Variants in NTRK3 observed in about 807,000 individuals in gnomAD.
The protein encoded by NTRK3 is neurotrophic receptor tyrosine kinase 3.
In NTRK3, 24 loss-of-function variants were observed where a neutral mutation model predicts 91.7. The ratio of observed to expected loss-of-function variants is 0.26; its 90% CI spans 0.19 to 0.37. NTRK3 has a LOEUF of 0.37. NTRK3 is among the 10% of genes least tolerant of loss of function. NTRK3 has a pLI of 1.00. For synonymous variants in NTRK3, 483 were observed against 404.0 expected, an observed-to-expected ratio of 1.20 and a Z score of -2.34; for missense variants, 880 against 1,068.9, an observed-to-expected ratio of 0.82 and a Z score of 2.46.
Position 87,895,646 on chromosome 15 carries a change from G to A in NTRK3, c.2134-15218C>T, listed in dbSNP as rs551974460. 7.9e-3 allele frequency among the ~76,000 whole-genome samples: 1,202 copies of A among 152,152 alleles called. 3 individuals are homozygous for A. The highest frequency in any genetic ancestry group is 0.021 in the South Asian group (103 of 4,814). Reference sequence around the variant, plus strand: ...TTTTCCTTCCTCTCTTTCCAGATCTGGGAGATAATCAGCTAAGAGCCAGGC... The same window carrying A: ...TTTTCCTTCCTCTCTTTCCAGATCTAGGAGATAATCAGCTAAGAGCCAGGC... On this transcript the variant is annotated intron_variant, in intron 17 of 18. Transcript: ENST00000394480.
At chr15:88,032,656 C>G (rs916359371) in intron 14 of NTRK3, among the ~76,000 whole-genome samples, 16 of 152,064 alleles carry the variant, frequency 1.1e-4, no homozygotes, top group African/African-American at 3.4e-4. Flanking sequence ...CACAGGACCC[C>G]CTTCGCAGAG....
At chr15:87,929,147 G>T (rs769070828) in intron 17 of NTRK3, 44 bp downstream of exon 17, 3 of 1,613,946 alleles carry the variant, frequency 1.9e-6, no homozygotes, top group African/African-American at 1.3e-5. Context: ...TAAGCAAGGC[G>T]CTAGCTCTGT....
Position 87,970,208 on chromosome 15 carries a change from A to G in NTRK3, c.1586-29455T>C, listed in dbSNP as rs2073140416. ...GTCTTCATTGCTGTATGCTACCACT[A>G]GATGATGTCACCTCCACCAGCCTGG... On this transcript the variant is annotated intron_variant, in intron 14 of 18. Coordinates refer to ENST00000394480, the Ensembl canonical transcript of NTRK3. Among the ~76,000 whole-genome samples the G allele has an allele frequency of 2.0e-5, 3 of 152,196 alleles. No homozygotes were observed. In the South Asian group the frequency reaches 6.2e-4, roughly 32 times the overall value.
At chr15:87,945,117 G>A (rs566184376) in intron 14 of NTRK3, among the ~76,000 whole-genome samples, 1 of 152,304 alleles carries the variant, frequency 6.6e-6, no homozygotes, top group East Asian at 1.9e-4. Context: ...CCAGGCCGTG[G>A]GAAGACCTCC....
intron 16 of NTRK3, among the ~76,000 whole-genome samples, chr15:87,930,637 C>A (rs139175894): frequency 1.3e-5 from 2 of 152,052 alleles, no homozygotes; most frequent in South Asian, 2.1e-4. Context: ...GGTTGGCCTG[C>A]GGGTTATGGA....
At chr15:88,249,591 C>G (rs1414424972) in intron 3 of NTRK3, among the ~76,000 whole-genome samples, 2 of 152,152 alleles carry the variant, frequency 1.3e-5, no homozygotes, top group Non-Finnish European at 2.9e-5. Flanking sequence ...CTGCAGTGGT[C>G]CTTTCCAGCT....
At chr15:88,229,908 A>C (rs1356059896) in intron 3 of NTRK3, among the ~76,000 whole-genome samples, 1 of 152,242 alleles carries the variant, frequency 6.6e-6, no homozygotes, top group Non-Finnish European at 1.5e-5. Context: ...GGAAAATCTA[A>C]CCAAGTCACA....
At chr15:87,996,264 A>G (rs941440107) in intron 14 of NTRK3, among the ~76,000 whole-genome samples, 1 of 152,148 alleles carries the variant, frequency 6.6e-6, no homozygotes, top group Non-Finnish European at 1.5e-5. Flanking sequence ...ATAAAATAAA[A>G]TAAAATAAAA....
chr15:88,147,353 G>A (rs368222977), exon 6 of NTRK3: 167 of 1,613,544 alleles, frequency 1.0e-4, no homozygotes, highest in Admixed American at 2.3e-4. Context: ...AAGACTCAGC[G>A]TCTGGAAGAG....
At chr15:88,130,560 G>A (rs929819246) in intron 10 of NTRK3, among the ~76,000 whole-genome samples, 15 of 151,870 alleles carry the variant, frequency 9.9e-5, no homozygotes, top group Admixed American at 5.9e-4. Flanking sequence ...AAAACCTATC[G>A]ACATCACGCG....
chr15:88,144,088 C>G (rs2042647005), intron 6 of NTRK3: 1 of 152,098 alleles, frequency 6.6e-6, no homozygotes, highest in African/African-American at 2.4e-5. Flanking sequence ...CTACTTCATT[C>G]TTTATCTCTA....
intron 14 of NTRK3, among the ~76,000 whole-genome samples, chr15:87,987,142 T>C (rs1484120492): frequency 1.3e-5 from 2 of 152,260 alleles, no homozygotes; most frequent in African/African-American, 2.4e-5. Context: ...AGGTGATTTC[T>C]ACGCACAAAA....
intron 17 of NTRK3, among the ~76,000 whole-genome samples, chr15:87,903,503 G>C (rs1257247503): frequency 3.9e-5 from 6 of 152,042 alleles, no homozygotes; most frequent in Admixed American, 3.9e-4. Flanking sequence ...CCTGTTCTAG[G>C]GGCTTGCTCT....
chr15:88,118,787 GA>G (rs1312350869), intron 13 of NTRK3, among the ~76,000 whole-genome samples: 1 of 152,220 alleles, frequency 6.6e-6, no homozygotes, highest in Non-Finnish European at 1.5e-5. Context: ...CAAGGGACAA[GA>G]GGTGCAGAAT....
exon 19 of NTRK3, chr15:87,868,523 A>G (rs2064747453): frequency 9.1e-6 from 2 of 219,868 alleles, no homozygotes; most frequent in Non-Finnish European, 1.8e-5. Context: ...TGTTATCCAG[A>G]CTTCAGGGTA....
rs200458652 is a variant in NTRK3 at position 88,152,275 on chromosome 15, TG to T, written c.396-4873del. 8.5e-3 allele frequency among the ~76,000 whole-genome samples: 1,298 copies of T among 152,300 alleles called. 10 individuals carry two copies. Among genetic ancestry groups the T allele is most frequent in the Middle Eastern group, 0.024 (7 of 294 alleles). On this transcript the variant is annotated intron_variant, in intron 5 of 18. Transcript: ENST00000394480. ...GAGATTGCGCCATTGCACTCCAGCC[TG>T]GGCAACAAGAGTGAAACTCCATCTC...
At chr15:87,921,175 G>A (rs1468403224) in intron 17 of NTRK3, among the ~76,000 whole-genome samples, 1 of 152,034 alleles carries the variant, frequency 6.6e-6, no homozygotes, top group Non-Finnish European at 1.5e-5. Flanking sequence ...GGAATACAAC[G>A]CTCCTCCATT....
At chr15:88,045,314 G>C (rs2080075748) in intron 13 of NTRK3, among the ~76,000 whole-genome samples, 1 of 152,130 alleles carries the variant, frequency 6.6e-6, no homozygotes, top group African/African-American at 2.4e-5. Flanking sequence ...AACCCATCCT[G>C]CTGTTGATTG....
chr15:87,935,608 G>A (rs927505387), intron 15 of NTRK3, among the ~76,000 whole-genome samples: 3 of 152,298 alleles, frequency 2.0e-5, no homozygotes, highest in Middle Eastern at 3.4e-3. Context: ...CCCAGCATGG[G>A]TGGGATGGGA....
Sources: gnomAD v4.1 joint callset for allele counts (sites outside exome capture counted in the v4.1 genomes callset) on GRCh38, gnomAD v4.1.1 for gene constraint, MANE v1.5 for transcripts, NCBI Gene and HGNC (gene_info 2026-07-23, HGNC 2026-07-21) for gene names.